SYPL2: variants seen among roughly 807,000 people sequenced by gnomAD.
The protein encoded by SYPL2 is synaptophysin like 2.
In SYPL2, 24 loss-of-function variants were observed where a neutral mutation model predicts 31.3. The observed-to-expected ratio is 0.77, with a 90% CI of 0.56 to 1.08. The LOEUF (loss-of-function observed/expected upper bound fraction) is 1.08. Ranked by LOEUF, SYPL2 falls within the 50% of genes least tolerant of loss-of-function variation. The pLI is 0.00. For synonymous variants in SYPL2, 144 were observed against 143.1 expected, an observed-to-expected ratio of 1.01 and a Z score of -0.05; for missense variants, 342 against 360.1, an observed-to-expected ratio of 0.95 and a Z score of 0.41.
rs1266890561 is a variant in SYPL2, at chr1:109,480,280, T to C, written c.*732T>C. ...TAAGCTTGCTGGCAGAATCAATTTC[T>C]TCTATCCCCTCAATCCTCCCACCCA... On this transcript the variant is annotated 3_prime_UTR_variant, in exon 6 of 6. Coordinates refer to ENST00000369872, the MANE Select transcript of SYPL2 (RefSeq NM_001040709.2). 1 of 152,216 alleles carries C rather than the reference T, an allele frequency of 6.6e-6. No individual in the cohort carries two copies. Among genetic ancestry groups the C allele is most frequent in the African/African-American group, 2.4e-5 (1 of 41,436 alleles). 9.4% of individuals were successfully genotyped at this position (152,216 alleles called of 1,614,324 possible). A position where few individuals can be genotyped will look rare whatever the true frequency, so the allele number is the denominator to read the frequency against.
At chr1:109,477,097 C>G in intron 4 of SYPL2, 120 bp downstream of exon 4, 1 of 1,125,298 alleles carries the variant, frequency 8.9e-7, no homozygotes, top group South Asian at 1.4e-5. Context: ...GGAACCTCTG[C>G]CTCCATCAAC....
rs959225391 is a variant in SYPL2, at chr1:109,475,667, C to T, written c.216C>T (p.Asp72=). Residue 72 remains aspartate, a synonymous_variant, in exon 3 of 6, where the codon GAC becomes GAT. Coordinates refer to ENST00000369872, the MANE Select transcript of SYPL2 (RefSeq NM_001040709.2). The part of the protein sequence containing the change: ...AMVRCNNEAK[D]VSSIIVAFGY... ...TTCGCTGCAACAACGAAGCCAAGGA[C>T]GTGAGCTCCATCATCGTTGCATTTG... 1.3e-5 allele frequency: 21 copies of T among 1,613,992 alleles called. No individual in the cohort carries two copies. Among genetic ancestry groups the T allele is most frequent in the Non-Finnish European group, 1.7e-5 (20 of 1,179,998 alleles).
At chr1:109,474,431 G>T (rs1002244185) in intron 2 of SYPL2, among the ~76,000 whole-genome samples, 1 of 149,896 alleles carries the variant, frequency 6.7e-6, no homozygotes, top group Non-Finnish European at 1.5e-5. Flanking sequence ...TCCGCCTCCC[G>T]GGTTCAAGTG....
At chr1:109,474,315 TTTC>T (rs1162611433) in intron 2 of SYPL2, among the ~76,000 whole-genome samples, 2 of 122,654 alleles carry the variant, frequency 1.6e-5, no homozygotes, top group Non-Finnish European at 3.3e-5. Flanking sequence ...TTTCTTTTCT[TTTC>T]TTTTCTTTTT....
At chr1:109,474,157 A>G (rs910871305) in intron 2 of SYPL2, among the ~76,000 whole-genome samples, 2 of 152,212 alleles carry the variant, frequency 1.3e-5, no homozygotes, top group African/African-American at 4.8e-5. Context: ...TCGAAGAAAG[A>G]TACAGAGAGT....
chr1:109,478,947 G>A lies in SYPL2; in HGVS notation c.649-431G>A, dbSNP rs1035368122. Among the ~76,000 whole-genome samples, 7 of 152,182 alleles carry A rather than the reference G, an allele frequency of 4.6e-5. No homozygotes were observed. Among genetic ancestry groups the A allele is most frequent in the African/African-American group, 1.4e-4 (6 of 41,432 alleles). On this transcript the variant is annotated intron_variant, in intron 5 of 5. Transcript: ENST00000369872. The surrounding 1 kb of genome is among the most constrained non-coding windows in gnomAD (Gnocchi z 4.0). Reference sequence around the variant, plus strand: ...TTTAAAATATGTTGAATAACTATTTGAACATAGCCCTGGCTAGGTGCCTGA... The same window carrying A: ...TTTAAAATATGTTGAATAACTATTTAAACATAGCCCTGGCTAGGTGCCTGA...
chr1:109,470,083 G>C (rs565334465), intron 2 of SYPL2, among the ~76,000 whole-genome samples: 19 of 152,056 alleles, frequency 1.2e-4, no homozygotes, highest in African/African-American at 4.6e-4. Flanking sequence ...AAATTTCCAA[G>C]CTCAGGCAAT....
chr1:109,469,564 TA>T (rs35594687), intron 2 of SYPL2, among the ~76,000 whole-genome samples: 101,852 of 150,852 alleles, frequency 0.68, 35,161 homozygotes, highest in East Asian at 0.96. Flanking sequence ...AGAAGTATCT[TA>T]AAAAAAATTT....
At chr1:109,469,827 C>CAAAA (rs10533137) in intron 2 of SYPL2, among the ~76,000 whole-genome samples, 1 of 79,194 alleles carries the variant, frequency 1.3e-5, no homozygotes, top group Non-Finnish European at 2.3e-5. Context: ...GACCTTGTCT[C>CAAAA]AAAAAAAAAA....
chr1:109,477,746 G>A (rs1656043754), intron 4 of SYPL2, 72 bp from the exon 5 acceptor site: 2 of 1,537,804 alleles, frequency 1.3e-6, no homozygotes, highest in African/African-American at 2.7e-5. Flanking sequence ...CCAGTATCAT[G>A]GCAAGTGGAA....
Position 109,479,901 on chromosome 1 carries a change from A to G in SYPL2, c.*353A>G. On this transcript the variant is annotated 3_prime_UTR_variant, in exon 6 of 6. Coordinates refer to ENST00000369872, the MANE Select transcript of SYPL2 (RefSeq NM_001040709.2). ...AACCAGTGCTCTGAGACTGGTTCCT[A>G]GCAGCCACCTTTCTGTCAACCTGTC... 4.2e-6 allele frequency: 1 copy of G among 239,100 alleles called. No homozygotes were observed. The highest frequency in any genetic ancestry group is 1.1e-4 in the South Asian group (1 of 8,710). The allele number at this position is 239,100 out of a possible 1,614,324, so 14.8% of individuals were successfully genotyped here.
At chr1:109,476,637 T>C in intron 3 of SYPL2, 139 bp from the exon 4 acceptor site, 1 of 815,636 alleles carries the variant, frequency 1.2e-6, no homozygotes, top group South Asian at 1.8e-5. Flanking sequence ...GCAAGGTTCC[T>C]TCCAGAAACT....
rs768782777 is a variant in SYPL2 at position 109,476,758 on chromosome 1, C to T, written c.255-18C>T. On this transcript the variant is annotated intron_variant, in intron 3 of 5. Coordinates refer to ENST00000369872, the MANE Select transcript of SYPL2 (RefSeq NM_001040709.2). ...GAGGATTGCCTGAGCTCAGGATGGC[C>T]TCCCCTGCCACCTGCAGGTTGCACC... 2.5e-6 allele frequency: 4 copies of T among 1,612,716 alleles called. No homozygotes were observed. Among genetic ancestry groups the T allele is most frequent in the South Asian group, 1.1e-5 (1 of 90,874 alleles).
At chr1:109,479,252 G>A (rs1656092334) in intron 5 of SYPL2, 126 bp from the exon 6 acceptor site, 1 of 1,055,428 alleles carries the variant, frequency 9.5e-7, no homozygotes, top group Non-Finnish European at 1.4e-6. Flanking sequence ...CTCTGTCTTA[G>A]TCTTTCTAGT....
In SYPL2 at chr1:109,476,882, C is replaced by G; in HGVS notation, c.361C>G (p.Leu121Val). ...TGCACCCGCCGAGTTCTTCGTGACC[C>G]TTGGCATCTTTTCCTTCTTCTATAC... ...FSAPAEFFVTLGIFSFFYTMA... is the reference protein window; with the variant it reads ...FSAPAEFFVTVGIFSFFYTMA... The change falls in exon 4 of 6, where the codon CTT becomes GTT. Residue 121 changes from leucine (L) to valine (V), a missense_variant. By Grantham distance (32) the Leu-to-Val change is conservative (BLOSUM62 1). Coordinates refer to ENST00000369872, the MANE Select transcript of SYPL2 (RefSeq NM_001040709.2). 1 of 1,614,236 alleles carries G rather than the reference C, an allele frequency of 6.2e-7. No individual in the cohort carries two copies. Among genetic ancestry groups the G allele is most frequent in the Non-Finnish European group, 8.5e-7 (1 of 1,180,030 alleles).
chr1:109,469,827 C>CAAAAA (rs10533137), intron 2 of SYPL2, among the ~76,000 whole-genome samples: 1 of 79,194 alleles, frequency 1.3e-5, no homozygotes, highest in African/African-American at 5.2e-5. Context: ...GACCTTGTCT[C>CAAAAA]AAAAAAAAAA....
intron 2 of SYPL2, among the ~76,000 whole-genome samples, chr1:109,468,072 A>C (rs1655709151): frequency 6.6e-6 from 1 of 152,238 alleles, no homozygotes; most frequent in Admixed American, 6.5e-5. Context: ...TTGCTTCACT[A>C]GGCCAGTGCC....
Position 109,477,880 on chromosome 1 carries a change from G to A in SYPL2, c.519G>A (p.Lys173=). ...TGGTAGCTGCAGCTGCCTGGGGCAA[G>A]GGCCTGACCGATGTCAAGGGGGCCA... ...FWLVAAAAWG[K]GLTDVKGATR... Residue 173 remains lysine, a synonymous_variant, in exon 5 of 6, where the codon AAG becomes AAA. Coordinates refer to ENST00000369872, the MANE Select transcript of SYPL2 (RefSeq NM_001040709.2). 1 of 1,614,156 alleles carries A rather than the reference G, an allele frequency of 6.2e-7. No individual in the cohort carries two copies. The highest frequency in any genetic ancestry group is 8.5e-7 in the Non-Finnish European group (1 of 1,180,016).
In SYPL2 at chr1:109,478,693, A is replaced by G. The variant is rs569259777; in HGVS notation, c.648+684A>G. On this transcript the variant is annotated intron_variant, in intron 5 of 5. Coordinates refer to ENST00000369872, the MANE Select transcript of SYPL2 (RefSeq NM_001040709.2). The surrounding 1 kb of genome is among the most constrained non-coding windows in gnomAD (Gnocchi z 4.0). ...GGAACCCTGCTTATGGTTCCCCCCCAAAAAAATTTTATTGTAGAAATGTTC... is the reference window on the plus strand; with the variant it reads ...GGAACCCTGCTTATGGTTCCCCCCCGAAAAAATTTTATTGTAGAAATGTTC... Among the ~76,000 whole-genome samples, 1 of 152,180 alleles carries G rather than the reference A, an allele frequency of 6.6e-6. No individual in the cohort carries two copies. Among genetic ancestry groups the G allele is most frequent in the African/African-American group, 2.4e-5 (1 of 41,486 alleles).
Sources: allele counts gnomAD v4.1 joint callset (sites outside exome capture counted in the v4.1 genomes callset), GRCh38; gene constraint gnomAD v4.1.1; non-coding constraint Gnocchi (gnomAD v3.1); transcripts MANE v1.5; gene names NCBI Gene and HGNC (gene_info 2026-07-23, HGNC 2026-07-21).